Variants in RASA3 observed in about 807,000 individuals in gnomAD.
RASA3 encodes the protein ras GTPase-activating protein 3.
RASA3 carries 73 observed loss-of-function variants against 110.0 expected under a neutral mutation model. The observed-to-expected ratio is 0.66, with a 90% confidence interval of 0.55 to 0.81. The LOEUF is 0.81. Among genes scored for constraint, RASA3 ranks in the 30% least tolerant of loss-of-function variants. The pLI is 0.00. For missense variants in RASA3, 976 were observed against 1,113.2 expected (o/e 0.88, Z 1.75); for synonymous variants, 500 against 451.4 (o/e 1.11, Z -1.37).
At chr13:114,039,077 G>C (rs538674377) in intron 4 of RASA3, among the ~76,000 whole-genome samples, 1 of 152,226 alleles carries the variant, frequency 6.6e-6, no homozygotes, top group African/African-American at 2.4e-5. Flanking sequence ...GCCTGCAAAG[G>C]ACGTTGGCAA....
Position 114,132,548 on chromosome 13 carries a change from A to C in RASA3, c.-59T>G. 1.5e-6 allele frequency: 2 copies of C among 1,301,722 alleles called. No homozygotes were observed. Among genetic ancestry groups the C allele is most frequent in the Non-Finnish European group, 2.0e-6 (2 of 1,024,376 alleles). The allele number at this position is 1,301,722 out of a possible 1,614,324, so 80.6% of individuals were successfully genotyped here. A position where few individuals can be genotyped will look rare whatever the true frequency, so the allele number is the denominator to read the frequency against. ...AGCGCGCGCCGAGCCCGGGCAGCTC[A>C]GGCCGAGCAGGAGGAGCGGCGGCGC... On this transcript the variant is annotated 5_prime_UTR_variant, in exon 1 of 24. Coordinates refer to ENST00000334062, the MANE Select transcript of RASA3 (RefSeq NM_007368.4).
In RASA3 at chr13:114,015,206, C is replaced by T. The variant is rs1472314145; in HGVS notation, c.1405+3G>A. The T allele has an allele frequency of 2.5e-6, 4 of 1,612,900 alleles. No individual in the cohort carries two copies. Among genetic ancestry groups the T allele is most frequent in the Non-Finnish European group, 3.4e-6 (4 of 1,179,946 alleles). On this transcript the variant is annotated splice_donor_region_variant and intron_variant, in intron 14 of 23. Coordinates refer to ENST00000334062, the MANE Select transcript of RASA3 (RefSeq NM_007368.4). ...GCAACATGAGGGTGTTCAGGGCACT[C>T]ACCCTGGAAGCGCTTGGCCGCCGCC...
chr13:114,059,940 G>A (rs1343881904), intron 2 of RASA3, among the ~76,000 whole-genome samples: 1 of 152,242 alleles, frequency 6.6e-6, no homozygotes, highest in East Asian at 1.9e-4. Context: ...TGTCCAACGC[G>A]GGCAAGGCTG....
chr13:113,979,917 T>G (rs1204024829), intron 23 of RASA3, among the ~76,000 whole-genome samples: 1 of 150,444 alleles, frequency 6.6e-6, no homozygotes, highest in Non-Finnish European at 1.5e-5. Flanking sequence ...TCCTCCTACG[T>G]GCCTACCACC....
At chr13:114,024,409 T>G (rs1350331472) in intron 7 of RASA3, 54 bp from the exon 8 acceptor site, 3 of 1,540,296 alleles carry the variant, frequency 1.9e-6, no homozygotes, top group African/African-American at 1.4e-5. Context: ...CAGGCGGGGG[T>G]ATATGCGGAC....
chr13:114,113,616 C>T (rs1277409140), intron 1 of RASA3, among the ~76,000 whole-genome samples: 1 of 143,056 alleles, frequency 7.0e-6, no homozygotes, highest in Admixed American at 6.9e-5. Context: ...ATCCACCCAC[C>T]ACGGCGAGTG....
chr13:114,027,902 T>G lies in RASA3; in HGVS notation c.475A>C (p.Ile159Leu). Residue 159 changes from isoleucine to leucine, a missense_variant, in exon 6 of 24, where the codon ATC becomes CTC. Transcript: ENST00000334062. The stretch of plus-strand genomic sequence containing the variant: ...TAGGGGTCACATTGCCCATTCACGA[T>G]GGGGAGGCCCTGGCACTCGACGATG... ...TRIVECQGLP[I>L]VNGQCDPYAT... is the part of the protein sequence containing the mutation. The G allele has an allele frequency of 6.2e-7, 1 of 1,613,690 alleles. No homozygotes were observed. Among genetic ancestry groups the G allele is most frequent in the Non-Finnish European group, 8.5e-7 (1 of 1,179,888 alleles).
In RASA3 at chr13:114,024,374, GAA is replaced by G. The variant is rs2053988281; in HGVS notation, c.604-21_604-20del. ...GGGTCACCTGGAGTCAGACGAGAGAGAAAGCGCTGAGACCGCGGTGCCACCAG... is the reference window on the plus strand; with the variant it reads ...GGGTCACCTGGAGTCAGACGAGAGAGAGCGCTGAGACCGCGGTGCCACCAG... On this transcript the variant is annotated intron_variant, in intron 7 of 23. Coordinates refer to ENST00000334062, the MANE Select transcript of RASA3 (RefSeq NM_007368.4). The G allele has an allele frequency of 6.2e-7, 1 of 1,612,288 alleles. No homozygotes were observed. Among genetic ancestry groups the G allele is most frequent in the Non-Finnish European group, 8.5e-7 (1 of 1,178,678 alleles).
At chr13:114,040,927 C>A in intron 4 of RASA3, 73 bp downstream of exon 4, 1 of 1,411,126 alleles carries the variant, frequency 7.1e-7, no homozygotes. Flanking sequence ...TAGCCACAGT[C>A]GGAGCCGGGC....
intron 15 of RASA3, among the ~76,000 whole-genome samples, chr13:114,012,606 GCA>G (rs2053660735): frequency 2.1e-5 from 1 of 48,506 alleles, no homozygotes; most frequent in South Asian, 8.4e-4. Context: ...CTCATTCCAC[GCA>G]CACTCCCCAC....
At chr13:114,116,026 T>C (rs765298040) in intron 1 of RASA3, among the ~76,000 whole-genome samples, 1 of 152,218 alleles carries the variant, frequency 6.6e-6, no homozygotes, top group Non-Finnish European at 1.5e-5. Flanking sequence ...AGTGTGGATG[T>C]TGAGGCCTGG....
intron 4 of RASA3, 152 bp from the exon 5 acceptor site, chr13:114,030,039 C>T: frequency 1.5e-6 from 1 of 687,902 alleles, no homozygotes; most frequent in Non-Finnish European, 2.5e-6. Context: ...CCACTCCACC[C>T]CCGGGACGCA....
intron 7 of RASA3, among the ~76,000 whole-genome samples, chr13:114,027,057 G>A (rs1289831105): frequency 1.3e-5 from 2 of 152,242 alleles, no homozygotes; most frequent in Non-Finnish European, 2.9e-5. Context: ...AATTTGGAAA[G>A]CATTAATCTG....
intron 1 of RASA3, among the ~76,000 whole-genome samples, chr13:114,089,313 G>T (rs575760659): frequency 5.4e-5 from 8 of 148,448 alleles, no homozygotes; most frequent in African/African-American, 2.0e-4. Flanking sequence ...GGGGAGGAGG[G>T]GGGAGGGGGA....
At chr13:114,060,612 G>A (rs1473419773) in intron 2 of RASA3, among the ~76,000 whole-genome samples, 1 of 152,272 alleles carries the variant, frequency 6.6e-6, no homozygotes, top group Non-Finnish European at 1.5e-5. Flanking sequence ...GGCCTGCGGG[G>A]ACGCGAAGGG....
At chr13:114,028,156 G>A (rs992186851) in intron 5 of RASA3, among the ~76,000 whole-genome samples, 3 of 147,686 alleles carry the variant, frequency 2.0e-5, no homozygotes, top group African/African-American at 7.6e-5. Flanking sequence ...GTGCTTTAGC[G>A]TGGACGCCAG....
At position 114,048,714 on chromosome 13, in the gene RASA3, C is replaced by G. The variant is rs1217837645; in HGVS notation, c.277+3338G>C. Among the ~76,000 whole-genome samples, 2 of 152,324 alleles carry G rather than the reference C, an allele frequency of 1.3e-5. No homozygotes were observed. The highest frequency in any genetic ancestry group is 1.3e-4 in the Admixed American group (2 of 15,310). ...AGGTCACGGCCCTGCAGCTGGGAGC[C>G]CGGCTTGACTGACAGTTCCCGCCGG... On this transcript the variant is annotated intron_variant, in intron 3 of 23. Coordinates refer to ENST00000334062, the MANE Select transcript of RASA3 (RefSeq NM_007368.4). This position sits in a 1 kb window ranked among gnomAD's most constrained non-coding sequence, Gnocchi z 4.3.
At chr13:114,013,619 C>T (rs1230463213) in intron 14 of RASA3, among the ~76,000 whole-genome samples, 1 of 61,338 alleles carries the variant, frequency 1.6e-5, no homozygotes, top group Non-Finnish European at 3.1e-5. Flanking sequence ...TCCCCCCCTC[C>T]ATCTGTCTCT....
chr13:114,058,324 G>A (rs561913162), intron 2 of RASA3, among the ~76,000 whole-genome samples: 38 of 152,262 alleles, frequency 2.5e-4, no homozygotes, highest in African/African-American at 7.2e-4. Flanking sequence ...CAGGAAGAGC[G>A]GATTCCTCGG....
Sources: gnomAD v4.1 joint callset for allele counts (sites outside exome capture counted in the v4.1 genomes callset) on GRCh38, gnomAD v4.1.1 for gene constraint, Gnocchi (gnomAD v3.1) non-coding constraint, MANE v1.5 for transcripts, NCBI Gene and HGNC (gene_info 2026-07-23, HGNC 2026-07-21) for gene names.